Variants in SSX1 observed in about 807,000 individuals in gnomAD.
SSX1 encodes protein SSX1.
SSX1 carries 58 observed loss-of-function variants against 14.6 expected under a neutral mutation model. The observed-to-expected ratio is 3.96, with a 90% CI of 3.21 to 4.93. SSX1 has a LOEUF of 4.93. Among genes scored for constraint, SSX1 ranks in the 30% most tolerant of loss-of-function variants. The probability of loss-of-function intolerance (pLI) is 0.00; values close to 1 mark genes in which losing one functional copy is unlikely to be tolerated. For missense variants in SSX1, 272 were observed against 143.1 expected, an observed-to-expected ratio of 1.90 and a Z score of -4.60; for synonymous variants, 46 against 52.1, an observed-to-expected ratio of 0.88 and a Z score of 0.50.
chrX:48,266,244 T>C (rs781884323), intron 6 of SSX1, 43 bp from the exon 7 acceptor site: 19 of 1,207,675 alleles, frequency 1.6e-5, no homozygotes, highest in Admixed American at 4.4e-5. Context: ...CTAACACTCT[T>C]CAACGTACCC....
chrX:48,256,766 C>T (rs2059583551), intron 1 of SSX1, among the ~76,000 whole-genome samples: 1 of 44,476 alleles, frequency 2.2e-5, no homozygotes, highest in Non-Finnish European at 5.4e-5. Context: ...AGAACAGAAC[C>T]CCCCCATCCC....
chrX:48,257,534 G>T, intron 2 of SSX1: 1 of 753,839 alleles, frequency 1.3e-6, no homozygotes, highest in Non-Finnish European at 1.6e-6. Flanking sequence ...ATTCTGGAAG[G>T]TGGGAAGAGA....
rs5952493 is a variant in SSX1 at position 48,266,363 on chromosome X, T to A, written c.543T>A (p.Ser181Arg). The A allele has an allele frequency of 2.5e-6, 3 of 1,209,569 alleles. No individual in the cohort carries two copies. The highest frequency in any genetic ancestry group is 3.4e-6 in the Non-Finnish European group (3 of 895,109). Residue 181 changes from serine to arginine, a missense_variant, in exon 7 of 8, where the codon AGT becomes AGA. By Grantham distance (110) the Ser-to-Arg change is moderately radical (BLOSUM62 -1). Transcript: ENST00000376919. Reference protein sequence around the residue: ...RKQLVIYEEISDPEEDDE With the variant: ...RKQLVIYEEIRDPEEDDE The stretch of plus-strand genomic sequence containing the variant: ...AGCTGGTGATTTATGAAGAGATCAG[T>A]GACCCTGAGGAAGATGACGAGTAAC...
chrX:48,266,862 A>T lies in SSX1; in HGVS notation c.*13A>T. The T allele has an allele frequency of 1.8e-6, 2 of 1,093,103 alleles. No individual in the cohort carries two copies. The highest frequency in any genetic ancestry group is 2.5e-6 in the Non-Finnish European group (2 of 801,279). The allele number at this position is 1,093,103 out of a possible 1,213,427, so 90.1% of individuals were successfully genotyped here. On this transcript the variant is annotated 3_prime_UTR_variant, in exon 8 of 8. Coordinates refer to ENST00000376919, the MANE Select transcript of SSX1 (RefSeq NM_005635.4). Reference sequence around the variant, plus strand: ...CCCTCTTCTCGCCTCAGCCTGGGGGATACGACACATGCCCTTGATGAGAAG... The same window carrying T: ...CCCTCTTCTCGCCTCAGCCTGGGGGTTACGACACATGCCCTTGATGAGAAG...
rs1174681502 is a variant in SSX1 at position 48,255,426 on chromosome X, C to G, written c.-27C>G. 9.0e-6 allele frequency: 1 copy of G among 110,881 alleles called. No individual in the cohort carries two copies. Among genetic ancestry groups the G allele is most frequent in the Non-Finnish European group, 1.9e-5 (1 of 53,024 alleles). 9.1% of individuals were successfully genotyped at this position (110,881 alleles called of 1,213,427 possible). A position where few individuals can be genotyped will look rare whatever the true frequency, so the allele number is the denominator to read the frequency against. On this transcript the variant is annotated 5_prime_UTR_variant, in exon 1 of 8. Transcript: ENST00000376919. Reference sequence around the variant, plus strand: ...GCCGACCTCGCAACCACTGCTTTGTCTCTGAAGTAGGTTCTCTTTAAGGGA... The same window carrying G: ...GCCGACCTCGCAACCACTGCTTTGTGTCTGAAGTAGGTTCTCTTTAAGGGA...
intron 5 of SSX1, among the ~76,000 whole-genome samples, chrX:48,262,489 C>T (rs1214128261): frequency 7.2e-5 from 8 of 111,868 alleles, no homozygotes; most frequent in African/African-American, 1.9e-4. Flanking sequence ...GCTCTGTTAC[C>T]GGGGCCACTC....
intron 5 of SSX1, among the ~76,000 whole-genome samples, chrX:48,262,834 T>C (rs1348218969): frequency 9.0e-6 from 1 of 111,696 alleles, no homozygotes; most frequent in African/African-American, 3.2e-5. Flanking sequence ...GTGAGGAAGC[T>C]GAGTAAAAAG....
chrX:48,267,215 G>A lies in SSX1; in HGVS notation c.*366G>A, dbSNP rs1601951587. 6.9e-6 allele frequency: 2 copies of A among 291,502 alleles called. No individual in the cohort carries two copies. The highest frequency in any genetic ancestry group is 1.3e-4 in the East Asian group (2 of 15,653). The allele number at this position is 291,502 out of a possible 1,213,427, so 24.0% of individuals were successfully genotyped here. ...CTCTCCCCAGATGTGACTACTGAGG[G>A]CAGTTCTGAGTGTTTAATTTCAGAC... On this transcript the variant is annotated 3_prime_UTR_variant, in exon 8 of 8. Transcript: ENST00000376919.
At chrX:48,261,107 T>A (rs2059602307) in intron 4 of SSX1, among the ~76,000 whole-genome samples, 1 of 111,758 alleles carries the variant, frequency 8.9e-6, no homozygotes, top group Non-Finnish European at 1.9e-5. Context: ...TTTGTGCATT[T>A]CAGGAATAGA....
intron 4 of SSX1, among the ~76,000 whole-genome samples, chrX:48,261,254 C>A (rs2059602777): frequency 1.8e-5 from 2 of 112,069 alleles, no homozygotes; most frequent in South Asian, 7.4e-4. Context: ...CCCACAATCA[C>A]TATAAGAGAT....
intron 3 of SSX1, 28 bp from the exon 4 acceptor site, chrX:48,258,508 A>T (rs782574666): frequency 8.8e-7 from 1 of 1,138,127 alleles, no homozygotes; most frequent in Non-Finnish European, 1.2e-6. Context: ...TTTGTCCCTT[A>T]AGGAATAAAC....
chrX:48,262,931 C>T (rs12838891), intron 5 of SSX1, among the ~76,000 whole-genome samples: 7 of 109,020 alleles, frequency 6.4e-5, no homozygotes, highest in Admixed American at 5.9e-4. Flanking sequence ...GTCAAGAGAT[C>T]GAGACCGTCC....
Position 48,257,220 on chromosome X carries a change from A to C in SSX1, c.-20-2A>C, listed in dbSNP as rs371197574. ...GAAAGTCTCAGGCTGTTTCTCTTGCAGGTGAGACTGCTCCTGGTGCCATGA... is the reference window on the plus strand; with the variant it reads ...GAAAGTCTCAGGCTGTTTCTCTTGCCGGTGAGACTGCTCCTGGTGCCATGA... On this transcript the variant is annotated splice_acceptor_variant, in intron 1 of 7. Transcript: ENST00000376919. LOFTEE classifies it low-confidence loss of function (5UTR_SPLICE). 2.5e-6 allele frequency: 3 copies of C among 1,209,366 alleles called. No individual in the cohort carries two copies. The highest frequency in any genetic ancestry group is 2.2e-6 in the Non-Finnish European group (2 of 893,371).
At chrX:48,259,246 C>G (rs2059595317) in intron 4 of SSX1, among the ~76,000 whole-genome samples, 1 of 111,624 alleles carries the variant, frequency 9.0e-6, no homozygotes, top group Admixed American at 9.6e-5. Context: ...ATCCACCCAC[C>G]TCAGCCTCCC....
intron 5 of SSX1, among the ~76,000 whole-genome samples, chrX:48,263,421 T>A (rs1430512659): frequency 9.3e-6 from 1 of 107,494 alleles, no homozygotes; most frequent in Admixed American, 1.0e-4. Context: ...CGAGCTTATA[T>A]GGGATCCCTT....
chrX:48,255,620 A>T (rs1655263455), intron 1 of SSX1, among the ~76,000 whole-genome samples, 188 bp downstream of exon 1: 1 of 100,475 alleles, frequency 1.0e-5, no homozygotes, highest in Non-Finnish European at 2.0e-5. Flanking sequence ...GGCCTGTATT[A>T]TCCCACCCCT....
chrX:48,262,249 G>T (rs2059606649), intron 5 of SSX1, among the ~76,000 whole-genome samples: 1 of 112,397 alleles, frequency 8.9e-6, no homozygotes, highest in Non-Finnish European at 1.9e-5. Context: ...ATAGTTATCA[G>T]CAACATAATA....
chrX:48,256,976 C>A (rs2146607924), intron 1 of SSX1, among the ~76,000 whole-genome samples: 1 of 110,667 alleles, frequency 9.0e-6, no homozygotes, highest in African/African-American at 3.3e-5. Context: ...ACTAGCCAAC[C>A]CCCTCCCAAA....
In SSX1 at chrX:48,266,926, C is replaced by T. The variant is rs782180899; in HGVS notation, c.*77C>T. 139 of 1,058,953 alleles carry T rather than the reference C, an allele frequency of 1.3e-4. 3 individuals are homozygous for T. In the South Asian group the frequency reaches 1.7e-3, roughly 13 times the overall value. 87.3% of individuals were successfully genotyped at this position (1,058,953 alleles called of 1,213,427 possible). A position where few individuals can be genotyped will look rare whatever the true frequency, so the allele number is the denominator to read the frequency against. On this transcript the variant is annotated 3_prime_UTR_variant, in exon 8 of 8. Transcript: ENST00000376919. ...CCTTTCACGAACATGGGCATGGCTG[C>T]GGCTCCCTCGTCATCAGGTGCATAG...
Sources: allele counts gnomAD v4.1 joint callset (sites outside exome capture counted in the v4.1 genomes callset), GRCh38; gene constraint gnomAD v4.1.1; transcripts MANE v1.5; gene names NCBI Gene and HGNC (gene_info 2026-07-23, HGNC 2026-07-21).